The following ARHGEF18 variants were observed in gnomAD, a reference collection of about 807,000 sequenced individuals.
ARHGEF18 encodes the protein Rho/Rac guanine nucleotide exchange factor 18, also known as rho guanine nucleotide exchange factor 18.
In ARHGEF18, 93 loss-of-function variants were observed where a neutral mutation model predicts 155.7. That is an observed-to-expected ratio of 0.60 (90% CI 0.50 to 0.71). The LOEUF (loss-of-function observed/expected upper bound fraction) is 0.71, where lower values mean the gene tolerates loss of function less well. Ranked by LOEUF, ARHGEF18 falls within the 30% of genes least tolerant of loss-of-function variation. ARHGEF18 has a pLI of 0.00. For missense variants in ARHGEF18, 1,593 were observed against 1,816.1 expected, an observed-to-expected ratio of 0.88 and a Z score of 2.23; for synonymous variants, 742 against 753.1, an observed-to-expected ratio of 0.99 and a Z score of 0.24.
intron 2 of ARHGEF18, among the ~76,000 whole-genome samples, chr19:7,367,221 A>T (rs986418501): frequency 7.2e-5 from 11 of 152,232 alleles, no homozygotes; most frequent in African/African-American, 2.2e-4. Flanking sequence ...AGCTTTAGGT[A>T]CTTGATCGAG....
chr19:7,364,398 AAGGAAGGC>A (rs1260776479), intron 2 of ARHGEF18, among the ~76,000 whole-genome samples: 1 of 138,492 alleles, frequency 7.2e-6, no homozygotes, highest in African/African-American at 2.9e-5. Context: ...GGAAGGAAGG[AAGGAAGGC>A]AGGCTGACTA....
chr19:7,433,139 T>C (rs914767216), intron 10 of ARHGEF18, among the ~76,000 whole-genome samples: 3 of 149,642 alleles, frequency 2.0e-5, no homozygotes, highest in East Asian at 4.0e-4. Flanking sequence ...CTAGCCTAGA[T>C]GATGGAGCGA....
At chr19:7,449,615 G>A (rs1311816772) in intron 15 of ARHGEF18, among the ~76,000 whole-genome samples, 1 of 152,098 alleles carries the variant, frequency 6.6e-6, no homozygotes, top group African/African-American at 2.4e-5. Context: ...GTGTTCATGT[G>A]TACATTGTGT....
chr19:7,434,034 A>G (rs1968258), intron 10 of ARHGEF18, among the ~76,000 whole-genome samples: 54,040 of 147,308 alleles, frequency 0.37, 10,520 homozygotes, highest in East Asian at 0.59. Context: ...AAAAAAAAAA[A>G]AAAGAAAAAA....
chr19:7,453,385 A>T (rs76678889), intron 16 of ARHGEF18, 82 bp from the exon 17 acceptor site: 2 of 1,409,194 alleles, frequency 1.4e-6, no homozygotes, highest in Non-Finnish European at 1.9e-6. Flanking sequence ...TCATAGATCC[A>T]CATGTCCATA....
Position 7,470,851 on chromosome 19 carries a change from T to A in ARHGEF18, c.*553T>A, listed in dbSNP as rs1976983771. On this transcript the variant is annotated 3_prime_UTR_variant, in exon 29 of 29. Transcript: ENST00000668164. This position sits in a 1 kb window ranked among gnomAD's most constrained non-coding sequence, Gnocchi z 5.9. ...CTTCCCAAACAGAGCCCCACGCAGG[T>A]TCACCATGAACCTCAGGGTCAGGGA... 1.7e-5 allele frequency: 7 copies of A among 401,088 alleles called. No individual in the cohort carries two copies. Among genetic ancestry groups the A allele is most frequent in the Non-Finnish European group, 2.7e-5 (6 of 226,198 alleles). The allele number at this position is 401,088 out of a possible 1,614,324, so 24.8% of individuals were successfully genotyped here. A position where few individuals can be genotyped will look rare whatever the true frequency, so the allele number is the denominator to read the frequency against.
chr19:7,374,677 CA>C (rs938236037), intron 3 of ARHGEF18, among the ~76,000 whole-genome samples: 2 of 127,986 alleles, frequency 1.6e-5, no homozygotes, highest in East Asian at 2.8e-4. Flanking sequence ...GACTCTGTCT[CA>C]AAAAAAAAGG....
At chr19:7,436,197 C>CTTTTTTTTTTTTTTTTTT (rs567879436) in intron 10 of ARHGEF18, among the ~76,000 whole-genome samples, 3 of 78,578 alleles carry the variant, frequency 3.8e-5, no homozygotes, top group Non-Finnish European at 7.6e-5. Flanking sequence ...AGCATTTCTT[C>CTTTTTTTTTTTTTTTTTT]TTTTTTTTTT....
chr19:7,359,214 G>A (rs1969443944), intron 1 of ARHGEF18, among the ~76,000 whole-genome samples: 1 of 152,104 alleles, frequency 6.6e-6, no homozygotes, highest in African/African-American at 2.4e-5. Context: ...TCAGTAGAAG[G>A]GGAGTGACCA....
At chr19:7,378,697 T>G (rs992510554) in intron 6 of ARHGEF18, among the ~76,000 whole-genome samples, 1 of 140,294 alleles carries the variant, frequency 7.1e-6, no homozygotes. Context: ...TTTTTTTTTT[T>G]TTTTTTTTTT....
intron 18 of ARHGEF18, among the ~76,000 whole-genome samples, chr19:7,456,654 T>C (rs947806880): frequency 6.6e-6 from 1 of 152,190 alleles, no homozygotes; most frequent in Admixed American, 6.5e-5. Context: ...GAGGTGAAGG[T>C]TGCAGTGAGC....
intron 10 of ARHGEF18, among the ~76,000 whole-genome samples, chr19:7,437,321 G>A (rs1028224060): frequency 2.7e-4 from 30 of 112,264 alleles, no homozygotes; most frequent in Non-Finnish European, 4.8e-4. Flanking sequence ...CCAGCTACTC[G>A]GGAGGCAGGA....
intron 10 of ARHGEF18, among the ~76,000 whole-genome samples, chr19:7,426,424 T>C (rs1401960037): frequency 6.7e-6 from 1 of 148,830 alleles, no homozygotes; most frequent in Non-Finnish European, 1.5e-5. Context: ...GAGGCAGAGG[T>C]TGCAGTGAGC....
At chr19:7,376,803 G>A in intron 5 of ARHGEF18, 46 bp downstream of exon 5, 2 of 1,190,532 alleles carry the variant, frequency 1.7e-6, no homozygotes, top group Non-Finnish European at 2.1e-6. Context: ...GTCAGGGAAA[G>A]AGGAGCCTGG....
At chr19:7,451,566 A>G (rs1975475707) in intron 16 of ARHGEF18, among the ~76,000 whole-genome samples, 1 of 151,548 alleles carries the variant, frequency 6.6e-6, no homozygotes, top group Non-Finnish European at 1.5e-5. Flanking sequence ...ATACGCCACT[A>G]CACACAGTTA....
At chr19:7,406,755 T>A (rs1250041239) in intron 10 of ARHGEF18, among the ~76,000 whole-genome samples, 1 of 152,076 alleles carries the variant, frequency 6.6e-6, no homozygotes, top group Admixed American at 6.6e-5. Flanking sequence ...GTTGCTGACT[T>A]ATATTAATAG....
At chr19:7,429,060 C>G (rs901775301) in intron 10 of ARHGEF18, among the ~76,000 whole-genome samples, 1 of 152,244 alleles carries the variant, frequency 6.6e-6, no homozygotes, top group Non-Finnish European at 1.5e-5. Context: ...CAGAAGGACT[C>G]TGACCCGGCC....
chr19:7,458,512 G>A lies in ARHGEF18; in HGVS notation c.2182G>A (p.Asp728Asn). 6.2e-7 allele frequency: 1 copy of A among 1,613,852 alleles called. No homozygotes were observed. Among genetic ancestry groups the A allele is most frequent in the Non-Finnish European group, 8.5e-7 (1 of 1,179,828 alleles). Residue 728 changes from aspartate to asparagine, a missense_variant and splice_region_variant, in exon 19 of 29, where the codon GAC (aspartate) becomes AAC (asparagine). Transcript: ENST00000668164. ...KDQKYVFASV[D>N]SKPPVISLQK... ...TCCCCAATGCCCTCTACTCATGCAG[G>A]ACTCAAAGCCACCCGTCATCTCGTT...
intron 6 of ARHGEF18, among the ~76,000 whole-genome samples, chr19:7,378,747 C>T (rs1970587770): frequency 7.7e-6 from 1 of 130,132 alleles, no homozygotes; most frequent in Non-Finnish European, 1.5e-5. Context: ...GGCTGGAGTA[C>T]AGTGGCGTGA....
Sources: gnomAD v4.1 joint callset for allele counts (sites outside exome capture counted in the v4.1 genomes callset) on GRCh38, gnomAD v4.1.1 for gene constraint, Gnocchi (gnomAD v3.1) non-coding constraint, MANE v1.5 for transcripts, NCBI Gene and HGNC (gene_info 2026-07-23, HGNC 2026-07-21) for gene names.